RHOA: variants seen among roughly 807,000 people sequenced by gnomAD.
The protein encoded by RHOA is transforming protein RhoA.
A neutral mutation model predicts 17.5 loss-of-function variants in RHOA; 3 were observed. The observed-to-expected ratio is 0.17, with a 90% CI of 0.08 to 0.44. RHOA has a LOEUF of 0.44. Among genes scored for constraint, RHOA ranks in the 20% least tolerant of loss-of-function variants. RHOA has a pLI of 0.99. For synonymous variants in RHOA, 98 were observed against 88.4 expected (o/e 1.11, Z -0.61); for missense variants, 56 against 242.3 (o/e 0.23, Z 5.10).
chr3:49,367,361 A>AAAAAAAAAAAAAAAAAAAAAAAC (rs1326394565), intron 3 of RHOA, among the ~76,000 whole-genome samples: 1 of 148,896 alleles, frequency 6.7e-6, no homozygotes, highest in South Asian at 2.1e-4. Flanking sequence ...AAAAAAAAAA[A>AAAAAAAAAAAAAAAAAAAAAAAC]AAAAAGAATA....
chr3:49,380,714 AATAAT>A (rs1559504519), intron 1 of RHOA, among the ~76,000 whole-genome samples: 18 of 115,638 alleles, frequency 1.6e-4, no homozygotes, highest in East Asian at 1.2e-3. Flanking sequence ...TAATAATAAT[AATAAT>A]AAATACTCAT....
chr3:49,371,368 C>T (rs1303051429), intron 2 of RHOA, among the ~76,000 whole-genome samples: 1 of 151,848 alleles, frequency 6.6e-6, no homozygotes, highest in Non-Finnish European at 1.5e-5. Context: ...CAACCTCTGC[C>T]TCCCAGGTTC....
At chr3:49,405,604 G>GT (rs1221103609) in intron 1 of RHOA, among the ~76,000 whole-genome samples, 1 of 152,132 alleles carries the variant, frequency 6.6e-6, no homozygotes, top group Non-Finnish European at 1.5e-5. Flanking sequence ...AAGCCATCAA[G>GT]TGTCAGAGCT....
intron 2 of RHOA, among the ~76,000 whole-genome samples, chr3:49,374,840 T>C (rs758524111): frequency 6.6e-6 from 1 of 152,100 alleles, no homozygotes; most frequent in Non-Finnish European, 1.5e-5. Context: ...GCCAATCACC[T>C]GCGGTCAGGA....
At chr3:49,362,441 A>C in intron 4 of RHOA, 55 bp downstream of exon 4, 1 of 1,513,546 alleles carries the variant, frequency 6.6e-7, no homozygotes, top group Non-Finnish European at 8.9e-7. Context: ...CCAAACCTCC[A>C]AACTTGGGGC....
At chr3:49,368,986 C>T (rs1332814873) in intron 2 of RHOA, among the ~76,000 whole-genome samples, 3 of 128,250 alleles carry the variant, frequency 2.3e-5, no homozygotes, top group South Asian at 5.5e-4. Flanking sequence ...GGATTGCAGG[C>T]GTGACCCACC....
intron 1 of RHOA, among the ~76,000 whole-genome samples, chr3:49,394,373 T>TA (rs934075076): frequency 2.6e-5 from 4 of 151,450 alleles, no homozygotes; most frequent in East Asian, 2.0e-4. Flanking sequence ...TTTTCTGAGA[T>TA]AGAGTCTCTC....
chr3:49,369,319 G>A (rs990694616), intron 2 of RHOA, among the ~76,000 whole-genome samples: 4 of 149,642 alleles, frequency 2.7e-5, no homozygotes, highest in Non-Finnish European at 5.9e-5. Flanking sequence ...CACCACACCC[G>A]GCCGAGTATT....
At chr3:49,367,402 G>C (rs914326760) in intron 3 of RHOA, among the ~76,000 whole-genome samples, 2 of 147,436 alleles carry the variant, frequency 1.4e-5, no homozygotes, top group East Asian at 4.2e-4. Flanking sequence ...TTATGTGGCT[G>C]TGTTTAGGCT....
intron 1 of RHOA, among the ~76,000 whole-genome samples, chr3:49,399,273 G>A (rs1305125932): frequency 6.6e-6 from 1 of 151,612 alleles, no homozygotes; most frequent in African/African-American, 2.4e-5. Flanking sequence ...GGGAGGCTGA[G>A]GCAAGAGAAT....
chr3:49,408,267 C>T (rs2048872440), intron 1 of RHOA, among the ~76,000 whole-genome samples: 1 of 52,904 alleles, frequency 1.9e-5, no homozygotes, highest in Non-Finnish European at 4.4e-5. Flanking sequence ...TATACGTATA[C>T]ACGTATATAC....
At chr3:49,373,442 T>A (rs937042040) in intron 2 of RHOA, 1 of 154,670 alleles carries the variant, frequency 6.5e-6, no homozygotes, top group Non-Finnish European at 1.5e-5. Context: ...AACTGAATGC[T>A]CAAGAAAAAT....
intron 1 of RHOA, among the ~76,000 whole-genome samples, chr3:49,397,129 C>CAAAAAAAAAAAAA (rs141767876): frequency 1.2e-5 from 1 of 86,244 alleles, no homozygotes; most frequent in African/African-American, 4.5e-5. Flanking sequence ...AATCCTGTCT[C>CAAAAAAAAAAAAA]AAAAAAAAAA....
rs2048944495 is a variant in RHOA, at chr3:49,411,845, C to T, written c.-28G>A. 6.6e-6 allele frequency: 1 copy of T among 152,164 alleles called. No individual in the cohort carries two copies. Among genetic ancestry groups the T allele is most frequent in the South Asian group, 2.0e-4 (1 of 4,882 alleles). The allele number at this position is 152,164 out of a possible 1,614,324, so 9.4% of individuals were successfully genotyped here. ...CTCAGGCAACGAATCCGAGTCCAGC[C>T]TCTTCGCGCCGGGGACGCCGGTCCG... On this transcript the variant is annotated 5_prime_UTR_variant, in exon 1 of 5. Coordinates refer to ENST00000418115, the MANE Select transcript of RHOA (RefSeq NM_001664.4).
intron 1 of RHOA, among the ~76,000 whole-genome samples, chr3:49,394,446 G>T (rs1449259383): frequency 6.6e-6 from 1 of 152,146 alleles, no homozygotes; most frequent in Non-Finnish European, 1.5e-5. Flanking sequence ...CACCTCCCGG[G>T]TTCCACCAAT....
chr3:49,373,716 A>T (rs1321487571), intron 2 of RHOA, among the ~76,000 whole-genome samples: 1 of 152,110 alleles, frequency 6.6e-6, no homozygotes, highest in Non-Finnish European at 1.5e-5. Context: ...AGGTGGAAGG[A>T]TCACTTGAGC....
chr3:49,376,191 A>G (rs2048223941), intron 1 of RHOA, among the ~76,000 whole-genome samples: 1 of 152,138 alleles, frequency 6.6e-6, no homozygotes, highest in Non-Finnish European at 1.5e-5. Flanking sequence ...AGCCAGGGCA[A>G]TAAGGTAAGA....
intron 1 of RHOA, among the ~76,000 whole-genome samples, chr3:49,397,227 A>G (rs1312378681): frequency 6.6e-6 from 1 of 152,102 alleles, no homozygotes; most frequent in African/African-American, 2.4e-5. Flanking sequence ...AAAAGACAAT[A>G]TATGATTCCA....
At chr3:49,402,421 T>G (rs1422393705) in intron 1 of RHOA, among the ~76,000 whole-genome samples, 1 of 152,152 alleles carries the variant, frequency 6.6e-6, no homozygotes, top group East Asian at 1.9e-4. Context: ...CCGGGTGCAG[T>G]GGTTCACACC....
Sources: gnomAD v4.1 joint callset for allele counts (sites outside exome capture counted in the v4.1 genomes callset) on GRCh38, gnomAD v4.1.1 for gene constraint, MANE v1.5 for transcripts, NCBI Gene and HGNC (gene_info 2026-07-23, HGNC 2026-07-21) for gene names.